KIF26B: variants seen among roughly 807,000 people sequenced by gnomAD.
KIF26B encodes the protein kinesin-like protein KIF26B.
Under a neutral mutation model 151.2 loss-of-function variants are expected in KIF26B, and 63 were observed. The ratio of observed to expected loss-of-function variants is 0.42; its 90% CI spans 0.34 to 0.51. The LOEUF is 0.51. Ranked by LOEUF, KIF26B falls within the 20% of genes least tolerant of loss-of-function variation. KIF26B has a pLI of 0.07. For synonymous variants in KIF26B, 1,357 were observed against 1,262.1 expected (o/e 1.08, Z -1.59); for missense variants, 2,813 against 2,913.6 (o/e 0.97, Z 0.79).
In KIF26B at chr1:245,352,884, G is replaced by C. The variant is rs1307028060; in HGVS notation, c.466-13950G>C. ...TGGGCGTGGGTGGGTGTGTAGAGTA[G>C]GGAAAAGGTGAGAAGTGGCTCTCTT... On this transcript the variant is annotated intron_variant, in intron 2 of 14. Coordinates refer to ENST00000407071, the MANE Select transcript of KIF26B (RefSeq NM_018012.4). The surrounding 1 kb of genome is among the most constrained non-coding windows in gnomAD (Gnocchi z 5.0). Among the ~76,000 whole-genome samples the C allele has an allele frequency of 6.6e-6, 1 of 151,978 alleles. No homozygotes were observed. Among genetic ancestry groups the C allele is most frequent in the African/African-American group, 2.4e-5 (1 of 41,368 alleles).
At chr1:245,534,869 A>C (rs1001638606) in intron 4 of KIF26B, among the ~76,000 whole-genome samples, 1 of 149,460 alleles carries the variant, frequency 6.7e-6, no homozygotes, top group Non-Finnish European at 1.5e-5. Flanking sequence ...TGCAACCTCT[A>C]CCTCCCAGGT....
chr1:245,283,672 C>T (rs535743118), intron 2 of KIF26B, among the ~76,000 whole-genome samples: 28 of 150,242 alleles, frequency 1.9e-4, no homozygotes, highest in Admixed American at 4.7e-4. Flanking sequence ...ATCCATTTAC[C>T]CTCCACCAAG....
At chr1:245,607,254 CTA>C (rs1395859876) in intron 6 of KIF26B, among the ~76,000 whole-genome samples, 4 of 151,980 alleles carry the variant, frequency 2.6e-5, no homozygotes, top group African/African-American at 9.7e-5. Flanking sequence ...TTAATAAACT[CTA>C]TGTATACGTG....
At chr1:245,521,938 C>G (rs571924668) in intron 4 of KIF26B, among the ~76,000 whole-genome samples, 1 of 150,336 alleles carries the variant, frequency 6.7e-6, no homozygotes, top group East Asian at 1.9e-4. Context: ...GGTGCGATCT[C>G]GGCTCACTGC....
At chr1:245,548,468 T>C (rs372142648) in intron 5 of KIF26B, among the ~76,000 whole-genome samples, 15 of 152,248 alleles carry the variant, frequency 9.9e-5, no homozygotes, top group East Asian at 7.8e-4. Flanking sequence ...CCCAGGGTTT[T>C]ACATCAGGAA....
intron 2 of KIF26B, among the ~76,000 whole-genome samples, chr1:245,254,291 G>A (rs1017978646): frequency 6.6e-6 from 1 of 152,136 alleles, no homozygotes; most frequent in South Asian, 2.1e-4. Flanking sequence ...GCCGTGCTGG[G>A]CACATGGTAG....
At chr1:245,422,453 C>T (rs903515938) in intron 4 of KIF26B, among the ~76,000 whole-genome samples, 6 of 152,124 alleles carry the variant, frequency 3.9e-5, no homozygotes, top group Non-Finnish European at 8.8e-5. Flanking sequence ...TGGCTCCAGG[C>T]TCATCCTGTC....
At chr1:245,632,702 G>A (rs1189390189) in intron 9 of KIF26B, among the ~76,000 whole-genome samples, 1 of 152,190 alleles carries the variant, frequency 6.6e-6, no homozygotes, top group Admixed American at 6.5e-5. Flanking sequence ...GAGCTCAGGA[G>A]TTTGAGACCA....
intron 14 of KIF26B, among the ~76,000 whole-genome samples, chr1:245,700,152 C>T (rs2147969689): frequency 6.6e-6 from 1 of 152,296 alleles, no homozygotes; most frequent in Non-Finnish European, 1.5e-5. Context: ...CACAGGCATA[C>T]AGACCTGCTT....
intron 2 of KIF26B, among the ~76,000 whole-genome samples, chr1:245,307,076 G>A (rs535450767): frequency 2.6e-5 from 4 of 152,040 alleles, no homozygotes; most frequent in Non-Finnish European, 5.9e-5. Flanking sequence ...CTCTGTGCAG[G>A]GTATTATTAT....
At chr1:245,408,658 A>C (rs527601509) in intron 3 of KIF26B, among the ~76,000 whole-genome samples, 1 of 152,162 alleles carries the variant, frequency 6.6e-6, no homozygotes, top group East Asian at 1.9e-4. Flanking sequence ...TCCGGCCCCA[A>C]ATGATTCTTT....
At chr1:245,420,215 C>CT (rs1451083586) in intron 4 of KIF26B, among the ~76,000 whole-genome samples, 1 of 152,202 alleles carries the variant, frequency 6.6e-6, no homozygotes, top group African/African-American at 2.4e-5. Flanking sequence ...TTCTCCCCCG[C>CT]TTCTTGACAG....
chr1:245,230,742 TAAA>T (rs376607095), intron 2 of KIF26B, among the ~76,000 whole-genome samples: 1 of 130,144 alleles, frequency 7.7e-6, no homozygotes, highest in Non-Finnish European at 1.7e-5. Context: ...AAACTTCATG[TAAA>T]AAAAAAAAAG....
rs1267665468 is a variant in KIF26B at position 245,574,269 on chromosome 1, G to A, written c.1351-28308G>A. The stretch of plus-strand genomic sequence containing the variant: ...AGCGATTCTTGAGCCTCAGCCTCCC[G>A]AGTAGCTGGGATTACAGGCATGTGC... On this transcript the variant is annotated intron_variant, in intron 5 of 14. Transcript: ENST00000407071. 7.2e-5 allele frequency among the ~76,000 whole-genome samples: 11 copies of A among 152,176 alleles called. 1 individual carries two copies. The South Asian group carries it at 1.7e-3, about 23-fold the overall frequency.
chr1:245,682,879 C>T (rs1040160320), intron 10 of KIF26B, among the ~76,000 whole-genome samples: 1 of 152,118 alleles, frequency 6.6e-6, no homozygotes, highest in Non-Finnish European at 1.5e-5. Context: ...AGACAGATAA[C>T]GTTCTGAAGG....
At chr1:245,325,967 G>A (rs1176440186) in intron 2 of KIF26B, among the ~76,000 whole-genome samples, 2 of 152,226 alleles carry the variant, frequency 1.3e-5, no homozygotes, top group South Asian at 2.1e-4. Flanking sequence ...GAGAGAATAC[G>A]AGGGAGACAA....
chr1:245,233,486 C>T, intron 2 of KIF26B, among the ~76,000 whole-genome samples: 1 of 152,138 alleles, frequency 6.6e-6, no homozygotes, highest in Middle Eastern at 3.2e-3. Flanking sequence ...ATGCAGAATT[C>T]CAGTCCCATA....
In KIF26B at chr1:245,642,973, T is replaced by G. The variant is rs2043909515; in HGVS notation, c.2099-3148T>G. 1.3e-5 allele frequency among the ~76,000 whole-genome samples: 2 copies of G among 152,234 alleles called. 1 individual carries two copies. Among genetic ancestry groups the G allele is most frequent in the South Asian group, 4.1e-4 (2 of 4,832 alleles). On this transcript the variant is annotated intron_variant, in intron 9 of 14. Transcript: ENST00000407071. ...CAGCAGGAGGTGCTGTACATGCCTC[T>G]CTGCGGGTCTTAGCACAAATGGGAT...
intron 4 of KIF26B, among the ~76,000 whole-genome samples, chr1:245,459,079 C>G (rs1482268526): frequency 6.6e-6 from 1 of 152,194 alleles, no homozygotes; most frequent in East Asian, 1.9e-4. Flanking sequence ...TTCCCCTTGC[C>G]TCCTGTGATT....
Sources: gnomAD v4.1 joint callset for allele counts (sites outside exome capture counted in the v4.1 genomes callset) on GRCh38, gnomAD v4.1.1 for gene constraint, Gnocchi (gnomAD v3.1) non-coding constraint, MANE v1.5 for transcripts, NCBI Gene and HGNC (gene_info 2026-07-23, HGNC 2026-07-21) for gene names.